Variants in ROBO2 observed in about 807,000 individuals in gnomAD.
The protein encoded by ROBO2 is roundabout homolog 2.
Under a neutral mutation model 160.8 loss-of-function variants are expected in ROBO2, and 53 were observed. That is an observed-to-expected ratio of 0.33 (90% CI 0.26 to 0.41). The LOEUF is 0.41. ROBO2 is among the 10% of genes least tolerant of loss of function. ROBO2 has a pLI of 1.00. For missense variants in ROBO2, 1,577 were observed against 1,722.4 expected, an observed-to-expected ratio of 0.92 and a Z score of 1.49; for synonymous variants, 664 against 611.7, an observed-to-expected ratio of 1.09 and a Z score of -1.26.
intron 2 of ROBO2, among the ~76,000 whole-genome samples, chr3:77,216,349 C>T (rs961883868): frequency 1.3e-5 from 2 of 152,194 alleles, no homozygotes; most frequent in African/African-American, 2.4e-5. Flanking sequence ...ATGAGCAAGA[C>T]TCCGTGGGCA....
chr3:77,329,520 C>T (rs1227724810), intron 2 of ROBO2, among the ~76,000 whole-genome samples: 1 of 152,186 alleles, frequency 6.6e-6, no homozygotes, highest in Non-Finnish European at 1.5e-5. Flanking sequence ...ATAAGCATCA[C>T]ACCTGGCAGC....
intron 2 of ROBO2, among the ~76,000 whole-genome samples, chr3:77,324,399 A>T (rs1380418551): frequency 1.3e-5 from 2 of 152,164 alleles, no homozygotes; most frequent in African/African-American, 4.8e-5. Flanking sequence ...ACCTGCCAAC[A>T]TATTCCATTA....
At chr3:77,175,340 G>T (rs1008934217) in intron 2 of ROBO2, among the ~76,000 whole-genome samples, 10 of 151,942 alleles carry the variant, frequency 6.6e-5, no homozygotes, top group Non-Finnish European at 1.3e-4. Flanking sequence ...GGGTTTTTGG[G>T]TTTTTTCGGG....
At chr3:76,532,949 T>G (rs1211997394) in intron 2 of ROBO2, among the ~76,000 whole-genome samples, 1 of 152,212 alleles carries the variant, frequency 6.6e-6, no homozygotes, top group African/African-American at 2.4e-5. Context: ...TATTGAAAAT[T>G]TTGATACTAG....
intron 2 of ROBO2, among the ~76,000 whole-genome samples, chr3:76,624,424 T>C (rs115322109): frequency 2.5e-4 from 38 of 152,248 alleles, no homozygotes; most frequent in African/African-American, 8.7e-4. Context: ...CTCTTTTATA[T>C]TAATTCATAA....
intron 2 of ROBO2, among the ~76,000 whole-genome samples, chr3:77,118,570 G>T (rs115591254): frequency 0.014 from 2,096 of 152,156 alleles, 61 homozygotes; most frequent in African/African-American, 0.048. Context: ...ACTCTATTTC[G>T]CTTGATGCCC....
intron 2 of ROBO2, among the ~76,000 whole-genome samples, chr3:76,039,455 G>T (rs2067214931): frequency 6.6e-6 from 1 of 151,812 alleles, no homozygotes; most frequent in South Asian, 2.1e-4. Context: ...ATGCATTTTG[G>T]GTTGGTTGGT....
chr3:77,497,047 C>A lies in ROBO2; in HGVS notation c.806+3665C>A, dbSNP rs150710705. ...GGAAGCATAGCAAGTCTAACAATAACCCTTATGCTCAACTAGGGAAAATTA... is the reference window on the plus strand; with the variant it reads ...GGAAGCATAGCAAGTCTAACAATAAACCTTATGCTCAACTAGGGAAAATTA... On this transcript the variant is annotated intron_variant, in intron 5 of 25. Coordinates refer to ENST00000461745, the Ensembl canonical transcript of ROBO2. Among the ~76,000 whole-genome samples, 322 of 152,156 alleles carry A rather than the reference C, an allele frequency of 2.1e-3. 3 individuals carry two copies. The highest frequency in any genetic ancestry group is 3.9e-3 in the Non-Finnish European group (264 of 67,934).
chr3:77,581,195 G>A (rs112916279), intron 16 of ROBO2, among the ~76,000 whole-genome samples: 2,478 of 152,182 alleles, frequency 0.016, 75 homozygotes, highest in African/African-American at 0.056. Flanking sequence ...ATTAGTAGGA[G>A]TTATTTGTAC....
At chr3:76,941,767 T>C (rs1013328176) in intron 2 of ROBO2, among the ~76,000 whole-genome samples, 1 of 152,164 alleles carries the variant, frequency 6.6e-6, no homozygotes, top group African/African-American at 2.4e-5. Context: ...AGAATTTCGC[T>C]AGAGCACCAG....
At chr3:76,187,370 G>T (rs961126468) in intron 2 of ROBO2, among the ~76,000 whole-genome samples, 1 of 152,040 alleles carries the variant, frequency 6.6e-6, no homozygotes, top group East Asian at 1.9e-4. Context: ...GACCTCCCAG[G>T]CTCAAGGAAT....
At chr3:77,156,292 A>T (rs2150571336) in intron 2 of ROBO2, among the ~76,000 whole-genome samples, 1 of 152,046 alleles carries the variant, frequency 6.6e-6, no homozygotes, top group South Asian at 2.1e-4. Flanking sequence ...GTCAGGTTTG[A>T]TTTTACTTTA....
At chr3:77,564,012 T>C (rs1328871286) in intron 11 of ROBO2, among the ~76,000 whole-genome samples, 2 of 152,088 alleles carry the variant, frequency 1.3e-5, no homozygotes, top group African/African-American at 4.8e-5. Context: ...ATATTCCCTT[T>C]CAAATGTGCT....
chr3:77,476,777 A>G (rs1357553778), intron 2 of ROBO2, among the ~76,000 whole-genome samples: 1 of 152,164 alleles, frequency 6.6e-6, no homozygotes, highest in Non-Finnish European at 1.5e-5. Context: ...CAAAACTGCT[A>G]TAAGGGATAT....
chr3:77,168,474 T>C (rs1229094827), intron 2 of ROBO2, among the ~76,000 whole-genome samples: 1 of 152,186 alleles, frequency 6.6e-6, no homozygotes, highest in Non-Finnish European at 1.5e-5. Flanking sequence ...TGATTTGAAA[T>C]CTTGGTCTTC....
In ROBO2 at chr3:77,522,263, TA is replaced by T. The variant is rs555235236; in HGVS notation, c.807-507del. ...GTTTCAGGAGTTAATATTCCTTATT[TA>T]AAAATTGATTACATACCCTTAATTC... On this transcript the variant is annotated intron_variant, in intron 5 of 25. Transcript: ENST00000461745. Among the ~76,000 whole-genome samples the T allele has an allele frequency of 2.5e-3, 371 of 151,348 alleles. 5 individuals are homozygous for T. Among genetic ancestry groups the T allele is most frequent in the African/African-American group, 8.5e-3 (351 of 41,440 alleles).
At chr3:77,405,183 G>T (rs934740946) in intron 2 of ROBO2, among the ~76,000 whole-genome samples, 1 of 152,108 alleles carries the variant, frequency 6.6e-6, no homozygotes, top group Non-Finnish European at 1.5e-5. Context: ...AATAAAGGAT[G>T]AATAAGAACT....
At chr3:77,518,569 T>C (rs2090267245) in intron 5 of ROBO2, among the ~76,000 whole-genome samples, 1 of 151,418 alleles carries the variant, frequency 6.6e-6, no homozygotes, top group South Asian at 2.1e-4. Context: ...GAAATGTGTG[T>C]TAGCTGGAGA....
intron 2 of ROBO2, among the ~76,000 whole-genome samples, chr3:76,415,884 G>C (rs2075738057): frequency 6.6e-6 from 1 of 152,008 alleles, no homozygotes; most frequent in Admixed American, 6.6e-5. Flanking sequence ...ACTGAAATTG[G>C]AACTTTCCAG....
Sources: allele counts gnomAD v4.1 joint callset (sites outside exome capture counted in the v4.1 genomes callset), GRCh38; gene constraint gnomAD v4.1.1; transcripts MANE v1.5; gene names NCBI Gene and HGNC (gene_info 2026-07-23, HGNC 2026-07-21).